The following GNG2 variants were observed in gnomAD, a reference collection of about 807,000 sequenced individuals.
GNG2 encodes the protein guanine nucleotide-binding protein G(I)/G(S)/G(O) subunit gamma-2.
GNG2 carries 5 observed loss-of-function variants against 5.5 expected under a neutral mutation model. The ratio of observed to expected loss-of-function variants is 0.91; its 90% CI spans 0.48 to 1.92. The LOEUF is 1.92. Ranked by LOEUF, GNG2 falls within the 30% of genes most tolerant of loss-of-function variation. The pLI is 0.01. For synonymous variants in GNG2, 28 were observed against 32.0 expected (o/e 0.88, Z 0.42); for missense variants, 55 against 88.4 (o/e 0.62, Z 1.52).
chr14:51,867,598 G>A lies in GNG2; in HGVS notation c.-71+6808G>A, dbSNP rs147605098. Among the ~76,000 whole-genome samples, 130 of 152,288 alleles carry A rather than the reference G, an allele frequency of 8.5e-4. No individual in the cohort carries two copies. The East Asian group carries it at 0.023, about 26-fold the overall frequency. ...ACTCTTTTCCATGTTTATAGCCGGT[G>A]TCTTAGTTGAGGCCCTCCTAACCTC... On this transcript the variant is annotated intron_variant, in intron 1 of 3. Coordinates refer to ENST00000556766, the MANE Select transcript of GNG2 (RefSeq NM_053064.5).
intron 2 of GNG2, among the ~76,000 whole-genome samples, chr14:51,918,866 C>T (rs1886820282): frequency 1.3e-5 from 2 of 152,114 alleles, no homozygotes; most frequent in Admixed American, 1.3e-4. Flanking sequence ...CTCTTGTCGC[C>T]CACGCTAGAG....
chr14:51,828,327 G>T (rs1466545965), intron 2 of GNG2, among the ~76,000 whole-genome samples: 3 of 152,212 alleles, frequency 2.0e-5, no homozygotes, highest in Non-Finnish European at 2.9e-5. Context: ...GCTCCGGATT[G>T]TTTCCCCCAG....
chr14:51,876,590 A>G (rs1883683482), intron 1 of GNG2, among the ~76,000 whole-genome samples: 1 of 152,080 alleles, frequency 6.6e-6, no homozygotes, highest in African/African-American at 2.4e-5. Flanking sequence ...CTCCGAAAAT[A>G]AGTTGTTTTT....
intron 2 of GNG2, among the ~76,000 whole-genome samples, chr14:51,890,409 G>A (rs1328177024): frequency 6.6e-6 from 1 of 152,172 alleles, no homozygotes; most frequent in Non-Finnish European, 1.5e-5. Context: ...TAAAGTGAAA[G>A]AAAGGTATTC....
intron 1 of GNG2, among the ~76,000 whole-genome samples, chr14:51,870,267 GT>G (rs1883213770): frequency 6.6e-6 from 1 of 151,924 alleles, no homozygotes; most frequent in African/African-American, 2.4e-5. Context: ...AAAACAACTT[GT>G]TTTTGTTGTT....
intron 2 of GNG2, among the ~76,000 whole-genome samples, chr14:51,928,542 T>G (rs1288415450): frequency 6.6e-6 from 1 of 152,134 alleles, no homozygotes; most frequent in African/African-American, 2.4e-5. Flanking sequence ...TCCTTGTGTG[T>G]TCCACCCTAC....
chr14:51,959,389 GT>G (rs1889459093), intron 3 of GNG2, among the ~76,000 whole-genome samples: 1 of 152,030 alleles, frequency 6.6e-6, no homozygotes, highest in East Asian at 1.9e-4. Flanking sequence ...CAGCAAGTTC[GT>G]TTTTCATTTG....
intron 2 of GNG2, among the ~76,000 whole-genome samples, chr14:51,920,832 A>G (rs1022065657): frequency 5.3e-5 from 8 of 152,158 alleles, no homozygotes; most frequent in African/African-American, 1.4e-4. Flanking sequence ...CATAGCCCCA[A>G]TAAATTGCAA....
At chr14:51,867,952 G>T (rs148098378) in intron 1 of GNG2, among the ~76,000 whole-genome samples, 1 of 152,082 alleles carries the variant, frequency 6.6e-6, no homozygotes, top group East Asian at 1.9e-4. Context: ...GTCACATCTG[G>T]TTTCATCTTT....
chr14:51,895,712 G>T (rs1255855075), intron 2 of GNG2, among the ~76,000 whole-genome samples: 2 of 152,206 alleles, frequency 1.3e-5, no homozygotes, highest in African/African-American at 4.8e-5. Flanking sequence ...ATATGGTTTG[G>T]CTATGTGTCC....
At chr14:51,871,250 G>A (rs1190738349) in intron 1 of GNG2, among the ~76,000 whole-genome samples, 1 of 149,268 alleles carries the variant, frequency 6.7e-6, no homozygotes, top group Admixed American at 6.6e-5. Flanking sequence ...TTTTTTCTTT[G>A]GAAAAAAGTT....
chr14:51,966,228 A>AAAAC (rs1889897244), intron 3 of GNG2, among the ~76,000 whole-genome samples: 2 of 149,486 alleles, frequency 1.3e-5, no homozygotes, highest in Non-Finnish European at 3.0e-5. Flanking sequence ...AAAAAAAAAA[A>AAAAC]AAAAAAAAAC....
At chr14:51,961,289 T>G (rs1307325309) in intron 3 of GNG2, among the ~76,000 whole-genome samples, 1 of 152,212 alleles carries the variant, frequency 6.6e-6, no homozygotes, top group Non-Finnish European at 1.5e-5. Flanking sequence ...GGGACAAGCA[T>G]CTTTGTATAT....
intron 2 of GNG2, among the ~76,000 whole-genome samples, chr14:51,893,559 T>G (rs1594885460): frequency 6.6e-6 from 1 of 152,160 alleles, no homozygotes; most frequent in Non-Finnish European, 1.5e-5. Context: ...GCTTATAGTA[T>G]CCTTTGTCAT....
chr14:51,880,436 C>T (rs903791617), intron 2 of GNG2, among the ~76,000 whole-genome samples: 1 of 152,142 alleles, frequency 6.6e-6, no homozygotes, highest in African/African-American at 2.4e-5. Context: ...TAATTTCCTC[C>T]ATACATTAAG....
chr14:51,873,856 T>C lies in GNG2; in HGVS notation c.-70-3761T>C, dbSNP rs541672795. The C allele has an allele frequency of 1.8e-4, 28 of 152,378 alleles. 1 individual carries two copies. The East Asian group carries it at 5.4e-3, about 29-fold the overall frequency. 9.4% of individuals were successfully genotyped at this position (152,378 alleles called of 1,614,324 possible). ...AGATCTGATTCCCAAGTAAGCAAGA[T>C]ATCTTTTCTCTGTTTTATGGACTAG... On this transcript the variant is annotated intron_variant, in intron 1 of 3. Coordinates refer to ENST00000556766, the MANE Select transcript of GNG2 (RefSeq NM_053064.5).
chr14:51,868,597 A>C (rs912006274), intron 1 of GNG2, among the ~76,000 whole-genome samples: 5 of 152,190 alleles, frequency 3.3e-5, no homozygotes, highest in Admixed American at 1.3e-4. Flanking sequence ...GGATTCAGCC[A>C]TGTAAAGATA....
chr14:51,892,445 A>G (rs182556761), intron 2 of GNG2, among the ~76,000 whole-genome samples: 73 of 152,008 alleles, frequency 4.8e-4, no homozygotes, highest in African/African-American at 1.1e-3. Context: ...GACTACAGGC[A>G]TGTGCCATCA....
At chr14:51,952,057 G>T (rs1566710798) in intron 3 of GNG2, 3 of 608,786 alleles carry the variant, frequency 4.9e-6, no homozygotes, top group Non-Finnish European at 5.8e-6. Context: ...GAATTTTTCA[G>T]TTCATTCCGA....
Sources: allele counts gnomAD v4.1 joint callset (sites outside exome capture counted in the v4.1 genomes callset), GRCh38; gene constraint gnomAD v4.1.1; transcripts MANE v1.5; gene names NCBI Gene and HGNC (gene_info 2026-07-23, HGNC 2026-07-21).